Variants in GREP1 observed in about 807,000 individuals in gnomAD.
GREP1 encodes glycine rich extracellular protein 1.
In GREP1 at chr16:2,999,589, A is replaced by T. The variant is rs527306357; in HGVS notation, c.1189+289A>T. On this transcript the variant is annotated intron_variant, in intron 27 of 34. Coordinates refer to ENST00000573315, the Ensembl canonical transcript of GREP1. ...AAAATACGCCTCCCAAGTAGTTGGCATTACAGGCACGCACCACCATACCTG... is the reference window on the plus strand; with the variant it reads ...AAAATACGCCTCCCAAGTAGTTGGCTTTACAGGCACGCACCACCATACCTG... 5.4e-4 allele frequency among the ~76,000 whole-genome samples: 79 copies of T among 145,880 alleles called. 1 individual carries two copies. Among genetic ancestry groups the T allele is most frequent in the Non-Finnish European group, 3.7e-4 (25 of 67,396 alleles).
In GREP1 at chr16:2,989,876, G is replaced by A; in HGVS notation, c.131-98G>A. On this transcript the variant is annotated intron_variant, in intron 3 of 34. Coordinates refer to ENST00000573315, the Ensembl canonical transcript of GREP1. The surrounding 1 kb of genome is among the most constrained non-coding windows in gnomAD (Gnocchi z 4.2). ...CTCCCCCATCATGGGAAGGGACTGA[G>A]TTCCCACAGGCCCACTGCTTGGATA... 2.5e-6 allele frequency: 1 copy of A among 398,866 alleles called. No homozygotes were observed. Among genetic ancestry groups the A allele is most frequent in the East Asian group, 3.6e-5 (1 of 28,078 alleles). 24.7% of individuals were successfully genotyped at this position (398,866 alleles called of 1,614,324 possible).
chr16:2,988,821 G>A (rs1325086415), intron 2 of GREP1, 199 bp downstream of exon 2: 4 of 395,656 alleles, frequency 1.0e-5, no homozygotes, highest in East Asian at 7.2e-5. Context: ...AGAGTCTCCC[G>A]GGGCAGAACA....
rs2072397761 is a variant in GREP1 at position 2,991,235 on chromosome 16, C to G, written c.322+134C>G. 2.5e-6 allele frequency: 1 copy of G among 397,302 alleles called. No homozygotes were observed. 24.6% of individuals were successfully genotyped at this position (397,302 alleles called of 1,614,324 possible). A position where few individuals can be genotyped will look rare whatever the true frequency, so the allele number is the denominator to read the frequency against. On this transcript the variant is annotated intron_variant, in intron 8 of 34. Transcript: ENST00000573315. The surrounding 1 kb of genome is among the most constrained non-coding windows in gnomAD (Gnocchi z 4.9). ...GCAGGGCTCAGCCACTCTGTCCCTT[C>G]CCAGGCCTGGGAGTGGGCGTGAAAC...
At chr16:3,001,589 A>G (rs1442740343) in exon 35 of GREP1, 1 of 399,094 alleles carries the variant, frequency 2.5e-6, no homozygotes, top group African/African-American at 2.1e-5. Flanking sequence ...AATGCTGAGC[A>G]CTGCAATGCC....
chr16:3,001,912 G>T (rs2072464181), exon 35 of GREP1: 1 of 341,208 alleles, frequency 2.9e-6, no homozygotes, highest in African/African-American at 2.1e-5. Flanking sequence ...CCGCCTAGCG[G>T]GGGAACCACA....
chr16:2,999,237 C>T, intron 26 of GREP1: 2 of 398,662 alleles, frequency 5.0e-6, no homozygotes, highest in Middle Eastern at 6.3e-4. Flanking sequence ...CTCACTCCTG[C>T]CCCTAACCTT....
intron 23 of GREP1, 78 bp downstream of exon 21, chr16:2,997,913 AC>A (rs1410718704): frequency 1.0e-5 from 4 of 397,994 alleles, no homozygotes; most frequent in African/African-American, 8.2e-5. Flanking sequence ...CCCAAGCTGT[AC>A]CCTGTCTCCC....
chr16:2,998,150 G>A (rs1197246243), intron 23 of GREP1, among the ~76,000 whole-genome samples: 1 of 152,040 alleles, frequency 6.6e-6, no homozygotes, highest in East Asian at 1.9e-4. Context: ...GTTGCTCTCT[G>A]CCCCTCTTCC....
At chr16:3,001,877 C>T (rs1191846552) in exon 35 of GREP1, 2 of 371,466 alleles carry the variant, frequency 5.4e-6, no homozygotes, top group Admixed American at 4.6e-5. Flanking sequence ...CAACGCCTGC[C>T]CTCAGGGAGG....
In GREP1 at chr16:2,989,070, A is replaced by C. The variant is rs563552532; in HGVS notation, c.100+448A>C. 1.4e-3 allele frequency: 317 copies of C among 234,656 alleles called. No homozygotes were observed. The highest frequency in any genetic ancestry group is 2.2e-3 in the Non-Finnish European group (268 of 122,272). The allele number at this position is 234,656 out of a possible 1,614,324, so 14.5% of individuals were successfully genotyped here. On this transcript the variant is annotated intron_variant, in intron 2 of 34. Coordinates refer to ENST00000573315, the Ensembl canonical transcript of GREP1. This position sits in a 1 kb window ranked among gnomAD's most constrained non-coding sequence, Gnocchi z 4.2. Reference sequence around the variant, plus strand: ...CTGAGCCCTGATGCATCTGAGCTTCAGGAGAGAAAGATGGGGGGCAGAGGT... The same window carrying C: ...CTGAGCCCTGATGCATCTGAGCTTCCGGAGAGAAAGATGGGGGGCAGAGGT...
Position 2,990,599 on chromosome 16 carries a change from G to A in GREP1, c.268+12G>A, listed in dbSNP as rs2072393647. 5.0e-6 allele frequency: 2 copies of A among 399,086 alleles called. No homozygotes were observed. Among genetic ancestry groups the A allele is most frequent in the Non-Finnish European group, 8.8e-6 (2 of 226,226 alleles). 24.7% of individuals were successfully genotyped at this position (399,086 alleles called of 1,614,324 possible). A position where few individuals can be genotyped will look rare whatever the true frequency, so the allele number is the denominator to read the frequency against. ...TGCAGCCCAGCCAGGTGAGGCTGGGGGAAGCGGGTAAGGAATGGGAGGGGC... is the reference window on the plus strand; with the variant it reads ...TGCAGCCCAGCCAGGTGAGGCTGGGAGAAGCGGGTAAGGAATGGGAGGGGC... On this transcript the variant is annotated intron_variant, in intron 7 of 34. Transcript: ENST00000573315.
chr16:2,994,203 G>C (rs2072412969), intron 10 of GREP1: 1 of 152,060 alleles, frequency 6.6e-6, no homozygotes, highest in Admixed American at 6.6e-5. Flanking sequence ...AGAAGGTACA[G>C]GCTCCAGCAA....
At position 2,991,104 on chromosome 16, in the gene GREP1, G is replaced by A. The variant is rs577637623; in HGVS notation, c.322+3G>A. ...CCCAGTGGCCGGAGCCCAGTCAGGTGAGGAAACGTCGGGTGTGGCAGGACC... is the reference window on the plus strand; with the variant it reads ...CCCAGTGGCCGGAGCCCAGTCAGGTAAGGAAACGTCGGGTGTGGCAGGACC... On this transcript the variant is annotated splice_donor_region_variant and intron_variant, in intron 8 of 34. Coordinates refer to ENST00000573315, the Ensembl canonical transcript of GREP1. This position sits in a 1 kb window ranked among gnomAD's most constrained non-coding sequence, Gnocchi z 4.9. 7.5e-6 allele frequency: 3 copies of A among 399,344 alleles called. No individual in the cohort carries two copies. The East Asian group carries it at 1.1e-4, about 14-fold the overall frequency. The allele number at this position is 399,344 out of a possible 1,614,324, so 24.7% of individuals were successfully genotyped here.
intron 15 of GREP1, 150 bp downstream of exon 15, chr16:2,995,466 C>T (rs191664740): frequency 3.2e-4 from 127 of 398,952 alleles, no homozygotes; most frequent in African/African-American, 2.2e-3. Flanking sequence ...GGGGTTCTAC[C>T]CCTGGGGCGT....
chr16:2,993,157 G>A (rs2072407383), intron 10 of GREP1, 194 bp downstream of exon 11: 2 of 383,730 alleles, frequency 5.2e-6, no homozygotes, highest in South Asian at 1.5e-4. Context: ...GAGCATGGAG[G>A]TCTTAGGGGT....
chr16:3,001,917 A>G (rs552700243), exon 35 of GREP1: 4 of 335,506 alleles, frequency 1.2e-5, no homozygotes, highest in African/African-American at 6.3e-5. Flanking sequence ...TAGCGGGGGA[A>G]CCACATCCAA....
intron 23 of GREP1, 70 bp from the exon 22 acceptor site, chr16:2,998,286 G>T (rs1277381359): frequency 5.0e-6 from 2 of 398,948 alleles, no homozygotes; most frequent in Admixed American, 4.4e-5. Flanking sequence ...GATCAGCAGG[G>T]GAGAGAGGGG....
rs2072404858 is a variant in GREP1 at position 2,992,623 on chromosome 16, G to A, written c.323-182G>A. On this transcript the variant is annotated intron_variant, in intron 8 of 34. Transcript: ENST00000573315. The surrounding 1 kb of genome is among the most constrained non-coding windows in gnomAD (Gnocchi z 4.9). ...AGCTGGTCAAGGGTGGCCACGGTCTGGACTCCCGGGCCAAGAACCAAATCC... is the reference window on the plus strand; with the variant it reads ...AGCTGGTCAAGGGTGGCCACGGTCTAGACTCCCGGGCCAAGAACCAAATCC... 3 of 393,094 alleles carry A rather than the reference G, an allele frequency of 7.6e-6. No individual in the cohort carries two copies. The highest frequency in any genetic ancestry group is 4.4e-5 in the Admixed American group (1 of 22,514). 24.4% of individuals were successfully genotyped at this position (393,094 alleles called of 1,614,324 possible).
rs1018102685 is a variant in GREP1, at chr16:3,001,351, A to G, written c.1585+17A>G. ...GCTACGGAGGTGAGAGGGAGGCGCA[A>G]TGGCCGAGCCGCCTGCCCAAAGGCC... is the stretch of plus-strand genomic sequence containing the variant. On this transcript the variant is annotated intron_variant, in intron 34 of 34. Transcript: ENST00000573315. 1.5e-5 allele frequency: 6 copies of G among 398,986 alleles called. No homozygotes were observed. In the East Asian group the frequency reaches 2.1e-4, roughly 14 times the overall value. 24.7% of individuals were successfully genotyped at this position (398,986 alleles called of 1,614,324 possible). A position where few individuals can be genotyped will look rare whatever the true frequency, so the allele number is the denominator to read the frequency against.
Sources: gnomAD v4.1 joint callset for allele counts (sites outside exome capture counted in the v4.1 genomes callset) on GRCh38, gnomAD v4.1.1 for gene constraint, Gnocchi (gnomAD v3.1) non-coding constraint, MANE v1.5 for transcripts, NCBI Gene and HGNC (gene_info 2026-07-23, HGNC 2026-07-21) for gene names.